ATG10: variants seen among roughly 807,000 people sequenced by gnomAD.
ATG10 encodes the protein autophagy related 10.
ATG10 carries 30 observed loss-of-function variants against 32.1 expected under a neutral mutation model. The ratio of observed to expected loss-of-function variants is 0.94; its 90% confidence interval spans 0.70 to 1.27. The LOEUF (loss-of-function observed/expected upper bound fraction) is 1.27. ATG10 is among the 50% of genes most tolerant of loss of function. ATG10 has a pLI of 0.00. For missense variants in ATG10, 233 were observed against 262.3 expected (o/e 0.89, Z 0.77); for synonymous variants, 87 against 91.5 (o/e 0.95, Z 0.28).
At chr5:82,059,684 G>C (rs769852753) in intron 3 of ATG10, among the ~76,000 whole-genome samples, 1 of 152,088 alleles carries the variant, frequency 6.6e-6, no homozygotes, top group African/African-American at 2.4e-5. Context: ...AGGAAGAACT[G>C]TTTCTCAGAA....
At chr5:82,016,478 A>G (rs35790253) in intron 2 of ATG10, among the ~76,000 whole-genome samples, 3,448 of 152,166 alleles carry the variant, frequency 0.023, 67 homozygotes, top group Non-Finnish European at 0.038. Flanking sequence ...TTTGGTGACT[A>G]TGGCTTTATA....
chr5:82,040,860 T>C (rs915132376), intron 2 of ATG10, among the ~76,000 whole-genome samples: 5 of 152,254 alleles, frequency 3.3e-5, no homozygotes, highest in African/African-American at 9.6e-5. Flanking sequence ...TCTGGCTCTA[T>C]TGGCTTTTTT....
intron 2 of ATG10, among the ~76,000 whole-genome samples, chr5:82,030,375 A>C (rs759434484): frequency 2.6e-5 from 4 of 152,208 alleles, no homozygotes; most frequent in Non-Finnish European, 5.9e-5. Flanking sequence ...TTTGCTCCCT[A>C]GTTGGATTAG....
intron 3 of ATG10, among the ~76,000 whole-genome samples, chr5:82,105,980 T>A (rs324911): frequency 0.51 from 77,969 of 152,008 alleles, 20,689 homozygotes; most frequent in African/African-American, 0.62. Flanking sequence ...TAGAATTAAT[T>A]TTGTTATACA....
At position 82,103,924 on chromosome 5, in the gene ATG10, C is replaced by T. The variant is rs970091386; in HGVS notation, c.216+45322C>T. 2.4e-4 allele frequency among the ~76,000 whole-genome samples: 36 copies of T among 152,254 alleles called. 1 individual carries two copies. Among genetic ancestry groups the T allele is most frequent in the Admixed American group, 2.2e-3 (33 of 15,286 alleles). On this transcript the variant is annotated intron_variant, in intron 3 of 7. Transcript: ENST00000282185. ...ACTTGTTACACTACAATTTATTTTTCCTCTTTCTTCTTAACCTTAGATAAA... is the reference window on the plus strand; with the variant it reads ...ACTTGTTACACTACAATTTATTTTTTCTCTTTCTTCTTAACCTTAGATAAA...
chr5:82,221,421 T>G (rs1321791078), intron 5 of ATG10, among the ~76,000 whole-genome samples: 1 of 152,148 alleles, frequency 6.6e-6, no homozygotes, highest in East Asian at 1.9e-4. Context: ...CTGATAGAGC[T>G]CTTGAAAAAC....
At chr5:82,159,659 C>T (rs754759106) in intron 3 of ATG10, among the ~76,000 whole-genome samples, 4 of 152,094 alleles carry the variant, frequency 2.6e-5, no homozygotes, top group Non-Finnish European at 4.4e-5. Flanking sequence ...CCACTCCATG[C>T]CAGTCATGCT....
At chr5:82,020,695 C>T (rs1204200674) in intron 2 of ATG10, among the ~76,000 whole-genome samples, 1 of 152,056 alleles carries the variant, frequency 6.6e-6, no homozygotes, top group African/African-American at 2.4e-5. Context: ...CCAGCCTGAG[C>T]TTGTTCTCAT....
intron 2 of ATG10, among the ~76,000 whole-genome samples, chr5:81,989,748 G>A (rs1215532322): frequency 6.6e-6 from 1 of 151,830 alleles, no homozygotes; most frequent in Non-Finnish European, 1.5e-5. Flanking sequence ...ACAGGCGCCC[G>A]CCACCAGGCC....
intron 3 of ATG10, among the ~76,000 whole-genome samples, chr5:82,076,456 C>G (rs1484259943): frequency 6.6e-6 from 1 of 152,118 alleles, no homozygotes; most frequent in Non-Finnish European, 1.5e-5. Context: ...CTCCTAAAAC[C>G]TTGGAATGTC....
intron 3 of ATG10, among the ~76,000 whole-genome samples, chr5:82,068,523 C>T (rs1410278807): frequency 2.0e-5 from 3 of 151,450 alleles, no homozygotes; most frequent in Non-Finnish European, 2.9e-5. Flanking sequence ...ATTCTGCATT[C>T]TGCACATGTA....
At chr5:82,046,493 C>T (rs749495492) in intron 2 of ATG10, among the ~76,000 whole-genome samples, 4 of 152,170 alleles carry the variant, frequency 2.6e-5, no homozygotes, top group East Asian at 1.9e-4. Context: ...AGAGAGAGCA[C>T]GGCTCTGCCA....
intron 2 of ATG10, among the ~76,000 whole-genome samples, chr5:82,013,991 C>T (rs1762205314): frequency 6.6e-6 from 1 of 152,210 alleles, no homozygotes; most frequent in South Asian, 2.1e-4. Context: ...TCTCTACACA[C>T]TGCTTTAAAT....
At chr5:82,185,658 T>C (rs1011669494) in intron 5 of ATG10, among the ~76,000 whole-genome samples, 1 of 152,166 alleles carries the variant, frequency 6.6e-6, no homozygotes, top group African/African-American at 2.4e-5. Flanking sequence ...AACATACTCC[T>C]TAGGTACCTT....
At chr5:82,124,445 C>A (rs77585692) in intron 3 of ATG10, among the ~76,000 whole-genome samples, 4 of 151,742 alleles carry the variant, frequency 2.6e-5, no homozygotes, top group Non-Finnish European at 5.9e-5. Flanking sequence ...GTTATCCCTC[C>A]CATTGTCCCC....
intron 2 of ATG10, among the ~76,000 whole-genome samples, chr5:82,026,310 G>C (rs897336751): frequency 3.3e-5 from 5 of 152,118 alleles, no homozygotes; most frequent in African/African-American, 1.2e-4. Context: ...GCGTGTATCA[G>C]AATTTCCTTC....
At chr5:82,244,476 G>A (rs900909633) in intron 5 of ATG10, among the ~76,000 whole-genome samples, 4 of 152,096 alleles carry the variant, frequency 2.6e-5, no homozygotes, top group Admixed American at 6.6e-5. Flanking sequence ...CATGTAAAGC[G>A]CTTAATACGG....
At chr5:82,084,928 G>T (rs909210405) in intron 3 of ATG10, among the ~76,000 whole-genome samples, 1 of 152,086 alleles carries the variant, frequency 6.6e-6, no homozygotes, top group African/African-American at 2.4e-5. Flanking sequence ...ATCAACTAAC[G>T]AGCAAAATAA....
At chr5:82,127,365 T>G (rs1212697369) in intron 3 of ATG10, among the ~76,000 whole-genome samples, 1 of 152,140 alleles carries the variant, frequency 6.6e-6, no homozygotes, top group Non-Finnish European at 1.5e-5. Flanking sequence ...GTTCTTTTAA[T>G]TGTGATGTTA....
Sources: gnomAD v4.1 joint callset for allele counts (sites outside exome capture counted in the v4.1 genomes callset) on GRCh38, gnomAD v4.1.1 for gene constraint, MANE v1.5 for transcripts, NCBI Gene and HGNC (gene_info 2026-07-23, HGNC 2026-07-21) for gene names.